Variants in TRPC7 observed in about 807,000 individuals in gnomAD.
TRPC7 encodes transient receptor potential cation channel subfamily C member 7.
TRPC7 carries 42 observed loss-of-function variants against 90.1 expected under a neutral mutation model. The observed-to-expected ratio is 0.47, with a 90% CI of 0.36 to 0.60. The LOEUF is 0.60. Among genes scored for constraint, TRPC7 ranks in the 20% least tolerant of loss-of-function variants. TRPC7 has a pLI of 0.00. For missense variants in TRPC7, 955 were observed against 1,112.3 expected (o/e 0.86, Z 2.01); for synonymous variants, 451 against 436.3 (o/e 1.03, Z -0.42).
intron 5 of TRPC7, among the ~76,000 whole-genome samples, chr5:136,262,541 T>TC (rs1184228202): frequency 6.6e-6 from 1 of 152,202 alleles, no homozygotes; most frequent in Non-Finnish European, 1.5e-5. Context: ...AACTTACGTC[T>TC]CTCAATGAAA....
chr5:136,234,347 C>T (rs1416871624), intron 7 of TRPC7, among the ~76,000 whole-genome samples: 3 of 151,752 alleles, frequency 2.0e-5, no homozygotes, highest in African/African-American at 4.8e-5. Flanking sequence ...TCACTCTTGT[C>T]GCCCAGGCTG....
chr5:136,319,881 T>C (rs1759137985), intron 2 of TRPC7, among the ~76,000 whole-genome samples: 1 of 143,908 alleles, frequency 6.9e-6, no homozygotes, highest in South Asian at 2.1e-4. Context: ...ATTTAATTTT[T>C]GGAATTCCCC....
rs1163124661 is a variant in TRPC7 at position 136,226,088 on chromosome 5, C to T, written c.2208G>A (p.Lys736=). ...CAAGGTCATTTTCACAGCTTTTGGC[C>T]TTAGATTTGCAGAGTTTTATGAGGC... The part of the protein sequence containing the change: ...KMCLIKLCKS[K]AKSCENDLEM... The change falls in exon 9 of 12, where the codon AAG becomes AAA. Residue 736 remains lysine, a synonymous_variant. Transcript: ENST00000513104. The T allele has an allele frequency of 1.2e-6, 2 of 1,605,058 alleles. No individual in the cohort carries two copies. The highest frequency in any genetic ancestry group is 1.7e-6 in the Non-Finnish European group (2 of 1,175,352).
At chr5:136,318,022 T>G (rs534581612) in intron 2 of TRPC7, among the ~76,000 whole-genome samples, 1 of 152,314 alleles carries the variant, frequency 6.6e-6, no homozygotes, top group Admixed American at 6.5e-5. Flanking sequence ...CCTTCTGCAT[T>G]AGACACTTGG....
chr5:136,215,827 A>G (rs2149791501), intron 11 of TRPC7, among the ~76,000 whole-genome samples: 1 of 151,596 alleles, frequency 6.6e-6, no homozygotes, highest in East Asian at 1.9e-4. Flanking sequence ...CATCTCAAAA[A>G]AAAAAAAAAA....
chr5:136,362,434 G>A (rs1449457454), intron 1 of TRPC7, among the ~76,000 whole-genome samples: 1 of 152,070 alleles, frequency 6.6e-6, no homozygotes, highest in African/African-American at 2.4e-5. Flanking sequence ...TGAATGAATT[G>A]TAAATATAAA....
At chr5:136,363,828 T>G (rs1760642260) in intron 1 of TRPC7, among the ~76,000 whole-genome samples, 1 of 152,204 alleles carries the variant, frequency 6.6e-6, no homozygotes, top group African/African-American at 2.4e-5. Flanking sequence ...TCTATTTTTC[T>G]TTTTACTTTT....
At chr5:136,363,302 A>T (rs1341086871) in intron 1 of TRPC7, among the ~76,000 whole-genome samples, 1 of 152,164 alleles carries the variant, frequency 6.6e-6, no homozygotes, top group Admixed American at 6.5e-5. Context: ...GTTGAAATTG[A>T]GGTGAGATAG....
At chr5:136,278,492 T>C (rs541204789) in intron 3 of TRPC7, among the ~76,000 whole-genome samples, 2 of 152,304 alleles carry the variant, frequency 1.3e-5, no homozygotes, top group African/African-American at 4.8e-5. Context: ...CTAGGAGACA[T>C]GATGAACAGA....
intron 3 of TRPC7, among the ~76,000 whole-genome samples, chr5:136,279,189 A>C (rs888109649): frequency 4.6e-5 from 7 of 152,150 alleles, no homozygotes; most frequent in African/African-American, 1.7e-4. Flanking sequence ...CCTCTCTTTA[A>C]ACAAACCTCC....
intron 3 of TRPC7, among the ~76,000 whole-genome samples, chr5:136,285,510 C>T (rs1319706071): frequency 1.3e-5 from 2 of 152,174 alleles, no homozygotes; most frequent in Non-Finnish European, 2.9e-5. Flanking sequence ...GAGAAAGTTC[C>T]TGGGCCAGTG....
intron 2 of TRPC7, among the ~76,000 whole-genome samples, chr5:136,355,899 CA>C (rs1335591510): frequency 1.3e-5 from 2 of 152,180 alleles, no homozygotes; most frequent in Non-Finnish European, 2.9e-5. Flanking sequence ...TGTCTGTTGA[CA>C]ATAAAAGCAC....
In TRPC7 at chr5:136,244,219, T is replaced by G. The variant is rs969035949; in HGVS notation, c.1844+3252A>C. Reference sequence around the variant, plus strand: ...CCTCCTCCTCCTTCTTCTTCTTTTTTCTTTAATGAGGTTTCACTGTATTGC... The same window carrying G: ...CCTCCTCCTCCTTCTTCTTCTTTTTGCTTTAATGAGGTTTCACTGTATTGC... On this transcript the variant is annotated intron_variant, in intron 7 of 11. Transcript: ENST00000513104. Among the ~76,000 whole-genome samples, 7 of 151,900 alleles carry G rather than the reference T, an allele frequency of 4.6e-5. No homozygotes were observed. In the East Asian group the frequency reaches 9.6e-4, roughly 21 times the overall value.
intron 1 of TRPC7, among the ~76,000 whole-genome samples, chr5:136,360,779 C>G (rs2649701): frequency 0.22 from 33,673 of 151,982 alleles, 4,489 homozygotes; most frequent in African/African-American, 0.36. Context: ...ATGCGAGGGG[C>G]TTCACAATAG....
Position 136,315,799 on chromosome 5 carries a change from T to G in TRPC7, c.781-20A>C. ...ATCGTTCTAACAGAATAGAGAGAAATCAGCGGTATGTCACATGGAGGCCCG... is the reference window on the plus strand; with the variant it reads ...ATCGTTCTAACAGAATAGAGAGAAAGCAGCGGTATGTCACATGGAGGCCCG... On this transcript the variant is annotated intron_variant, in intron 2 of 11. Transcript: ENST00000513104. 1 of 1,608,366 alleles carries G rather than the reference T, an allele frequency of 6.2e-7. No individual in the cohort carries two copies. The highest frequency in any genetic ancestry group is 8.5e-7 in the Non-Finnish European group (1 of 1,175,900).
At chr5:136,238,549 G>A (rs1756063321) in intron 7 of TRPC7, among the ~76,000 whole-genome samples, 1 of 152,240 alleles carries the variant, frequency 6.6e-6, no homozygotes, top group Non-Finnish European at 1.5e-5. Context: ...GTCACTTAGA[G>A]AAATGGCAGC....
intron 3 of TRPC7, among the ~76,000 whole-genome samples, chr5:136,276,844 C>G (rs928246686): frequency 2.6e-5 from 4 of 152,220 alleles, no homozygotes; most frequent in Non-Finnish European, 4.4e-5. Flanking sequence ...TTCTCAGGGT[C>G]TAGTCATAGC....
intron 8 of TRPC7, among the ~76,000 whole-genome samples, chr5:136,227,000 A>G (rs904640150): frequency 2.0e-5 from 3 of 152,160 alleles, no homozygotes; most frequent in African/African-American, 7.2e-5. Flanking sequence ...TATTTATTAG[A>G]CAGTATATTT....
Position 136,251,684 on chromosome 5 carries a change from A to C in TRPC7, c.1544T>G (p.Val515Gly). 6.2e-7 allele frequency: 1 copy of C among 1,611,648 alleles called. No individual in the cohort carries two copies. The highest frequency in any genetic ancestry group is 8.5e-7 in the Non-Finnish European group (1 of 1,178,034). Reference protein sequence around the residue: ...QHVQDDTLHNVSLPPEVAYFT... With the variant: ...QHVQDDTLHNGSLPPEVAYFT... ...GTATGCCACTTCCGGCGGAAGCGAGACATTGTGCAGCGTGTCGTCCTGCAC... is the reference window on the plus strand; with the variant it reads ...GTATGCCACTTCCGGCGGAAGCGAGCCATTGTGCAGCGTGTCGTCCTGCAC... The change falls in exon 6 of 12, where the codon GTC becomes GGC. Residue 515 changes from valine (V) to glycine (G), a missense_variant. Transcript: ENST00000513104.
Sources: gnomAD v4.1 joint callset for allele counts (sites outside exome capture counted in the v4.1 genomes callset) on GRCh38, gnomAD v4.1.1 for gene constraint, MANE v1.5 for transcripts, NCBI Gene and HGNC (gene_info 2026-07-23, HGNC 2026-07-21) for gene names.